FLVCR2: variants seen among roughly 807,000 people sequenced by gnomAD.
FLVCR2 encodes choline/ethanolamine transporter FLVCR2.
Under a neutral mutation model 48.9 loss-of-function variants are expected in FLVCR2, and 38 were observed. That is an observed-to-expected ratio of 0.78 (90% confidence interval 0.60 to 1.02). The LOEUF is 1.02. Among genes scored for constraint, FLVCR2 ranks in the 50% least tolerant of loss-of-function variants. FLVCR2 has a pLI of 0.00. For synonymous variants in FLVCR2, 255 were observed against 257.0 expected, an observed-to-expected ratio of 0.99 and a Z score of 0.07; for missense variants, 664 against 663.3, an observed-to-expected ratio of 1.00 and a Z score of -0.01.
chr14:75,582,101 TAGCTACCATATC>T (rs1307581284), intron 1 of FLVCR2, among the ~76,000 whole-genome samples: 2 of 152,186 alleles, frequency 1.3e-5, no homozygotes, highest in African/African-American at 4.8e-5. Context: ...GCTGCTTCTT[TAGCTACCATATC>T]AGCATAAGCA....
chr14:75,594,925 G>A (rs1458388200), intron 1 of FLVCR2, among the ~76,000 whole-genome samples: 1 of 151,904 alleles, frequency 6.6e-6, no homozygotes, highest in Admixed American at 6.6e-5. Context: ...GCTATGTTGT[G>A]CAGGCTGGTC....
At position 75,635,011 on chromosome 14, in the gene FLVCR2, CAAGT is replaced by C. The variant is rs1890131338; in HGVS notation, c.1124+3_1124+6del. On this transcript the variant is annotated splice_donor_variant and coding_sequence_variant, in exon 5 of 10. Coordinates refer to ENST00000238667, the MANE Select transcript of FLVCR2 (RefSeq NM_017791.3). LOFTEE classifies it high-confidence loss of function. Reference sequence around the variant, plus strand: ...TCTGGCTGGATAGGTCCAAAACCTACAAGTAAGTGACTCATCCTCTTGGACTGAG... The same window carrying C: ...TCTGGCTGGATAGGTCCAAAACCTACAAGTGACTCATCCTCTTGGACTGAG... 2 of 1,593,732 alleles carry C rather than the reference CAAGT, an allele frequency of 1.3e-6. No homozygotes were observed. Among genetic ancestry groups the C allele is most frequent in the Non-Finnish European group, 8.6e-7 (1 of 1,161,394 alleles).
At chr14:75,609,041 G>A (rs1889369460) in intron 1 of FLVCR2, among the ~76,000 whole-genome samples, 1 of 151,938 alleles carries the variant, frequency 6.6e-6, no homozygotes, top group Admixed American at 6.6e-5. Flanking sequence ...AGCCACTAAA[G>A]AAGGCCCTCC....
intron 2 of FLVCR2, among the ~76,000 whole-genome samples, chr14:75,624,243 G>T (rs1889837083): frequency 6.6e-6 from 1 of 151,946 alleles, no homozygotes; most frequent in African/African-American, 2.4e-5. Context: ...TACGCCTGTA[G>T]TCCCAGCTAC....
chr14:75,609,407 G>T (rs575709319), intron 1 of FLVCR2, among the ~76,000 whole-genome samples: 51 of 152,294 alleles, frequency 3.3e-4, no homozygotes, highest in African/African-American at 1.2e-3. Flanking sequence ...CAGATCTAAT[G>T]GTGCTGCAAT....
intron 1 of FLVCR2, among the ~76,000 whole-genome samples, chr14:75,621,675 CA>C (rs1205700423): frequency 6.6e-6 from 1 of 152,176 alleles, no homozygotes; most frequent in Non-Finnish European, 1.5e-5. Flanking sequence ...AATTTCTCCC[CA>C]GCTGGGCTCT....
chr14:75,585,548 A>C (rs1267504864), intron 1 of FLVCR2, among the ~76,000 whole-genome samples: 1 of 152,164 alleles, frequency 6.6e-6, no homozygotes, highest in Non-Finnish European at 1.5e-5. Flanking sequence ...GGGTAGAGAC[A>C]CAGAGAAGGG....
chr14:75,579,336 G>C lies in FLVCR2; in HGVS notation c.364G>C (p.Ala122Pro). The change falls in exon 1 of 10, where the codon GCC becomes CCC. Residue 122 changes from alanine (A) to proline (P), a missense_variant. Transcript: ENST00000238667. ...FMHFYGVSAF[A>P]IDWLSMCYML... ...GCACTTCTACGGTGTCAGTGCCTTTGCCATTGACTGGCTGTCCATGTGCTA... is the reference window on the plus strand; with the variant it reads ...GCACTTCTACGGTGTCAGTGCCTTTCCCATTGACTGGCTGTCCATGTGCTA... 6.2e-7 allele frequency: 1 copy of C among 1,614,164 alleles called. No individual in the cohort carries two copies. Among genetic ancestry groups the C allele is most frequent in the Non-Finnish European group, 8.5e-7 (1 of 1,180,022 alleles).
chr14:75,593,119 C>G (rs916501853), intron 1 of FLVCR2, among the ~76,000 whole-genome samples: 3 of 152,194 alleles, frequency 2.0e-5, no homozygotes, highest in African/African-American at 7.2e-5. Flanking sequence ...CAAAATTACT[C>G]TTAATGCCCT....
At position 75,622,090 on chromosome 14, in the gene FLVCR2, G is replaced by A. The variant is rs143118396; in HGVS notation, c.681G>A (p.Ala227=). ...TCTGTCTTCTATAGCTTGGAATTGCGATTGGGTTCTTGGTCCCTCCTGTTT... is the reference window on the plus strand; with the variant it reads ...TCTGTCTTCTATAGCTTGGAATTGCAATTGGGTTCTTGGTCCCTCCTGTTT... ...VAVFGNQLGI[A]IGFLVPPVLV... Residue 227 remains alanine, a synonymous_variant, in exon 2 of 10, where the codon GCG becomes GCA. Coordinates refer to ENST00000238667, the MANE Select transcript of FLVCR2 (RefSeq NM_017791.3). 36 of 1,613,986 alleles carry A rather than the reference G, an allele frequency of 2.2e-5. No individual in the cohort carries two copies. Among genetic ancestry groups the A allele is most frequent in the Admixed American group, 3.3e-5 (2 of 59,990 alleles).
chr14:75,646,409 AGAG>A lies in FLVCR2; in HGVS notation c.1531_1533del (p.Glu511del), dbSNP rs772009705. On this transcript the variant is annotated inframe_deletion, in exon 10 of 10. Transcript: ENST00000238667. ...TTTGTTTTGCTTTATAGAAACTCCA[AGAG>A]GAGGAGGAGGAGAGCAACACCAGCA... is the stretch of plus-strand genomic sequence containing the variant. 50 of 1,610,704 alleles carry A rather than the reference AGAG, an allele frequency of 3.1e-5. No individual in the cohort carries two copies. Among genetic ancestry groups the A allele is most frequent in the Middle Eastern group, 1.7e-4 (1 of 6,034 alleles).
At chr14:75,617,806 T>C (rs1889653666) in intron 1 of FLVCR2, among the ~76,000 whole-genome samples, 1 of 152,192 alleles carries the variant, frequency 6.6e-6, no homozygotes, top group Non-Finnish European at 1.5e-5. Context: ...TAAATGATCA[T>C]ACAAATATAA....
chr14:75,622,165 C>G lies in FLVCR2; in HGVS notation c.756C>G (p.Ile252Met). 6.2e-7 allele frequency: 1 copy of G among 1,613,916 alleles called. No individual in the cohort carries two copies. The highest frequency in any genetic ancestry group is 8.5e-7 in the Non-Finnish European group (1 of 1,179,830). The change falls in exon 2 of 10, where the codon ATC becomes ATG. Residue 252 changes from isoleucine to methionine, a missense_variant. Physicochemically the swap from Ile to Met is conservative, Grantham distance 10 (BLOSUM62 1). Transcript: ENST00000238667. ...DRDELAYHIS[I>M]MFYIIGGVAT... is the part of the protein sequence containing the mutation. ...ACGAGCTTGCCTACCACATCAGCAT[C>G]ATGTTCTATATAATAGGAGGTGTGG...
At chr14:75,597,153 C>T (rs1439780638) in intron 1 of FLVCR2, among the ~76,000 whole-genome samples, 1 of 151,568 alleles carries the variant, frequency 6.6e-6, no homozygotes, top group Non-Finnish European at 1.5e-5. Context: ...TGGTAGAGCT[C>T]ACCTGTAGTC....
chr14:75,612,516 G>T (rs1369444369), intron 1 of FLVCR2, among the ~76,000 whole-genome samples: 2 of 152,180 alleles, frequency 1.3e-5, no homozygotes, highest in African/African-American at 4.8e-5. Flanking sequence ...TGTTTAGATT[G>T]TCTTTGTCTT....
chr14:75,597,541 A>G (rs1466161651), intron 1 of FLVCR2, among the ~76,000 whole-genome samples: 1 of 151,934 alleles, frequency 6.6e-6, no homozygotes, highest in Admixed American at 6.5e-5. Flanking sequence ...GTCTTAACCA[A>G]ACTGTCTAGG....
At chr14:75,604,938 G>C (rs10483871) in intron 1 of FLVCR2, among the ~76,000 whole-genome samples, 29,680 of 152,102 alleles carry the variant, frequency 0.2, 3,318 homozygotes, top group East Asian at 0.57. Context: ...TGAAGACTTT[G>C]GAGACTCTGG....
chr14:75,613,114 A>G (rs1339305038), intron 1 of FLVCR2, among the ~76,000 whole-genome samples: 1 of 152,210 alleles, frequency 6.6e-6, no homozygotes, highest in Non-Finnish European at 1.5e-5. Context: ...ATAATTCCCC[A>G]GGTGGACATG....
chr14:75,596,178 C>A, intron 1 of FLVCR2: 1 of 747,930 alleles, frequency 1.3e-6, no homozygotes, highest in Non-Finnish European at 2.4e-6. Flanking sequence ...CATGAACTTT[C>A]TAGTGTGGAT....
Sources: gnomAD v4.1 joint callset for allele counts (sites outside exome capture counted in the v4.1 genomes callset) on GRCh38, gnomAD v4.1.1 for gene constraint, MANE v1.5 for transcripts, NCBI Gene and HGNC (gene_info 2026-07-23, HGNC 2026-07-21) for gene names.